The following KLHL32 variants were observed in gnomAD, a reference collection of about 807,000 sequenced individuals.
KLHL32 encodes the protein kelch like family member 32.
A neutral mutation model predicts 64.8 loss-of-function variants in KLHL32; 35 were observed. The ratio of observed to expected loss-of-function variants is 0.54; its 90% CI spans 0.41 to 0.72. The LOEUF (loss-of-function observed/expected upper bound fraction) is 0.72, where lower values mean the gene tolerates loss of function less well. Among genes scored for constraint, KLHL32 ranks in the 30% least tolerant of loss-of-function variants. KLHL32 has a pLI of 0.00. For missense variants in KLHL32, 589 were observed against 768.5 expected, an observed-to-expected ratio of 0.77 and a Z score of 2.76; for synonymous variants, 259 against 281.0, an observed-to-expected ratio of 0.92 and a Z score of 0.78.
chr6:97,120,094 C>G (rs79254111), intron 7 of KLHL32, among the ~76,000 whole-genome samples: 1 of 151,928 alleles, frequency 6.6e-6, no homozygotes. Flanking sequence ...GAGAGCATTT[C>G]CCAGGTACCA....
intron 1 of KLHL32, among the ~76,000 whole-genome samples, chr6:96,958,305 G>A (rs1773491697): frequency 6.6e-6 from 1 of 152,182 alleles, no homozygotes; most frequent in African/African-American, 2.4e-5. Flanking sequence ...ATCTATAGGT[G>A]CTATTGGATC....
intron 4 of KLHL32, among the ~76,000 whole-genome samples, chr6:97,043,039 G>C (rs1785367947): frequency 6.6e-6 from 1 of 152,176 alleles, no homozygotes; most frequent in African/African-American, 2.4e-5. Flanking sequence ...ATGTGATCTT[G>C]GCACATGCCA....
chr6:97,055,623 C>T (rs1787668575), intron 4 of KLHL32, among the ~76,000 whole-genome samples: 1 of 151,942 alleles, frequency 6.6e-6, no homozygotes, highest in African/African-American at 2.4e-5. Flanking sequence ...CATGGTGAAA[C>T]TCTGTCTCTA....
At chr6:97,125,370 G>A (rs988979465) in intron 7 of KLHL32, among the ~76,000 whole-genome samples, 3 of 152,142 alleles carry the variant, frequency 2.0e-5, no homozygotes, top group Non-Finnish European at 4.4e-5. Flanking sequence ...GTAGTTGATG[G>A]TGGTGACCTA....
intron 2 of KLHL32, among the ~76,000 whole-genome samples, chr6:96,973,624 T>G (rs1775346773): frequency 6.6e-6 from 1 of 152,152 alleles, no homozygotes; most frequent in Non-Finnish European, 1.5e-5. Context: ...ATGTATATTA[T>G]TCTAAAAGGC....
intron 6 of KLHL32, among the ~76,000 whole-genome samples, chr6:97,100,814 T>TC (rs1175642277): frequency 6.8e-6 from 1 of 147,556 alleles, no homozygotes; most frequent in Non-Finnish European, 1.5e-5. Context: ...TTTTTTTTTT[T>TC]TTTTTTTGAG....
chr6:96,934,230 T>C (rs539758959), intron 1 of KLHL32, among the ~76,000 whole-genome samples: 1 of 152,310 alleles, frequency 6.6e-6, no homozygotes, highest in East Asian at 1.9e-4. Flanking sequence ...AAAATATAGA[T>C]TACTGGATCT....
In KLHL32 at chr6:97,139,551, C is replaced by T; in HGVS notation, c.*269C>T. 9.2e-6 allele frequency: 3 copies of T among 326,796 alleles called. No homozygotes were observed. Among genetic ancestry groups the T allele is most frequent in the Non-Finnish European group, 1.7e-5 (3 of 179,814 alleles). 20.2% of individuals were successfully genotyped at this position (326,796 alleles called of 1,614,324 possible). On this transcript the variant is annotated 3_prime_UTR_variant, in exon 11 of 11. Transcript: ENST00000369261. Reference sequence around the variant, plus strand: ...TATTGTGTTCCATGGGTCTTTAGAGCATTCTTTGTACACTTTTTCTAATCA... The same window carrying T: ...TATTGTGTTCCATGGGTCTTTAGAGTATTCTTTGTACACTTTTTCTAATCA...
At chr6:96,948,532 G>T (rs1379612483) in intron 1 of KLHL32, among the ~76,000 whole-genome samples, 2 of 152,158 alleles carry the variant, frequency 1.3e-5, no homozygotes, top group African/African-American at 4.8e-5. Flanking sequence ...GAAATCATAG[G>T]ATATACTTTG....
At chr6:96,932,573 C>A (rs575002291) in intron 1 of KLHL32, among the ~76,000 whole-genome samples, 3 of 137,200 alleles carry the variant, frequency 2.2e-5, no homozygotes, top group East Asian at 4.9e-4. Flanking sequence ...TTCCCCCCCC[C>A]CCTTTTTTTT....
chr6:96,956,753 G>A (rs560696239), intron 1 of KLHL32, among the ~76,000 whole-genome samples: 16 of 152,232 alleles, frequency 1.1e-4, no homozygotes, highest in East Asian at 7.7e-4. Flanking sequence ...TATAATGTTC[G>A]ATTGTTGTAA....
intron 3 of KLHL32, among the ~76,000 whole-genome samples, chr6:97,028,820 A>G (rs1175750428): frequency 2.0e-5 from 3 of 152,230 alleles, no homozygotes; most frequent in African/African-American, 7.2e-5. Context: ...TGCCATCCCT[A>G]AACATCTGAA....
At chr6:96,986,326 C>G (rs1428276311) in intron 3 of KLHL32, among the ~76,000 whole-genome samples, 1 of 152,180 alleles carries the variant, frequency 6.6e-6, no homozygotes, top group African/African-American at 2.4e-5. Context: ...GTCAGGGACC[C>G]ACTTGAGGAG....
At chr6:97,046,008 G>A (rs1019715436) in intron 4 of KLHL32, among the ~76,000 whole-genome samples, 2 of 152,272 alleles carry the variant, frequency 1.3e-5, no homozygotes, top group Admixed American at 1.3e-4. Flanking sequence ...AAGTCCTAGG[G>A]CCAGATCTGG....
At chr6:96,960,035 T>C (rs1773712924) in intron 1 of KLHL32, among the ~76,000 whole-genome samples, 2 of 152,188 alleles carry the variant, frequency 1.3e-5, no homozygotes, top group South Asian at 4.1e-4. Flanking sequence ...TTATTACTTG[T>C]GTGTCTTTCA....
intron 3 of KLHL32, among the ~76,000 whole-genome samples, chr6:96,984,828 T>C (rs887399463): frequency 6.6e-6 from 1 of 152,210 alleles, no homozygotes; most frequent in Non-Finnish European, 1.5e-5. Context: ...CTTTATCCAA[T>C]TTGCCAGTCT....
At chr6:96,978,992 T>G (rs538019013) in intron 3 of KLHL32, among the ~76,000 whole-genome samples, 8 of 152,148 alleles carry the variant, frequency 5.3e-5, no homozygotes, top group Non-Finnish European at 1.2e-4. Context: ...TTTTATGGTG[T>G]TGTTTATTTT....
At chr6:96,938,202 T>C (rs966534756) in intron 1 of KLHL32, among the ~76,000 whole-genome samples, 2 of 152,178 alleles carry the variant, frequency 1.3e-5, no homozygotes, top group Admixed American at 1.3e-4. Flanking sequence ...CCAAATTTGC[T>C]GTATATTTAC....
chr6:97,135,047 C>T (rs1271598244), intron 10 of KLHL32, among the ~76,000 whole-genome samples: 1 of 152,022 alleles, frequency 6.6e-6, no homozygotes, highest in Non-Finnish European at 1.5e-5. Context: ...AGAGTATCCT[C>T]AGGATTATGG....
Sources: allele counts gnomAD v4.1 joint callset (sites outside exome capture counted in the v4.1 genomes callset), GRCh38; gene constraint gnomAD v4.1.1; transcripts MANE v1.5; gene names NCBI Gene and HGNC (gene_info 2026-07-23, HGNC 2026-07-21).